ADAMTS7: variants seen among roughly 807,000 people sequenced by gnomAD.
ADAMTS7 encodes the protein A disintegrin and metalloproteinase with thrombospondin motifs 7.
In ADAMTS7, 89 loss-of-function variants were observed where a neutral mutation model predicts 172.6. The ratio of observed to expected loss-of-function variants is 0.52; its 90% CI spans 0.43 to 0.61. The LOEUF (loss-of-function observed/expected upper bound fraction) is 0.61. Ranked by LOEUF, ADAMTS7 falls within the 20% of genes least tolerant of loss-of-function variation. ADAMTS7 has a pLI of 0.00. For missense variants in ADAMTS7, 1,973 were observed against 2,355.6 expected, an observed-to-expected ratio of 0.84 and a Z score of 3.36; for synonymous variants, 885 against 978.4, an observed-to-expected ratio of 0.90 and a Z score of 1.78.
chr15:78,766,592 T>C lies in ADAMTS7; in HGVS notation c.3319A>G (p.Thr1107Ala), dbSNP rs2055155867. Residue 1107 changes from threonine (T) to alanine (A), a missense_variant, in exon 19 of 24, where the codon ACG becomes GCG. Coordinates refer to ENST00000388820, the MANE Select transcript of ADAMTS7 (RefSeq NM_014272.5). ...TCTGTGGCAGGCACGGGGCTACCCGTGGAGGGCGCAGCAGGATGGCTGTGT... is the reference window on the plus strand; with the variant it reads ...TCTGTGGCAGGCACGGGGCTACCCGCGGAGGGCGCAGCAGGATGGCTGTGT... ...PPHSHPAAPS[T>A]GSPVPATEPP... 1.2e-6 allele frequency: 2 copies of C among 1,601,688 alleles called. No individual in the cohort carries two copies. The highest frequency in any genetic ancestry group is 1.7e-5 in the Admixed American group (1 of 59,346).
rs755345475 is a variant in ADAMTS7, at chr15:78,774,784, G to A, written c.1716C>T (p.Tyr572=). 6.2e-7 allele frequency: 1 copy of A among 1,600,318 alleles called. No individual in the cohort carries two copies. Among genetic ancestry groups the A allele is most frequent in the Non-Finnish European group, 8.5e-7 (1 of 1,171,966 alleles). ...GCTCACCCACACAGTATCTGCCTTTGTATTTGGGCCTGTGGGGAGAACCGG... is the reference window on the plus strand; with the variant it reads ...GCTCACCCACACAGTATCTGCCTTTATATTTGGGCCTGTGGGGAGAACCGG... The part of the protein sequence containing the change: ...ERQCTQPTPK[Y]KGRYCVGERK... Residue 572 remains tyrosine (Y), a synonymous_variant, in exon 12 of 24, where the codon TAC becomes TAT. Coordinates refer to ENST00000388820, the MANE Select transcript of ADAMTS7 (RefSeq NM_014272.5).
chr15:78,790,611 T>G, intron 6 of ADAMTS7, 59 bp downstream of exon 6: 1 of 1,598,952 alleles, frequency 6.3e-7, no homozygotes, highest in African/African-American at 1.3e-5. Flanking sequence ...GGGCTTCTTC[T>G]GCAGGGCCGG....
intron 4 of ADAMTS7, among the ~76,000 whole-genome samples, chr15:78,795,939 G>T (rs1375441828): frequency 1.3e-5 from 2 of 152,184 alleles, no homozygotes; most frequent in Non-Finnish European, 2.9e-5. Flanking sequence ...GCCCTGCCTG[G>T]TTGTGTGACC....
chr15:78,765,415 T>C (rs1170231286), intron 19 of ADAMTS7, among the ~76,000 whole-genome samples: 13 of 152,224 alleles, frequency 8.5e-5, no homozygotes, highest in Non-Finnish European at 1.3e-4. Context: ...CCAGCTCCAT[T>C]CTGGGGTGTG....
intron 11 of ADAMTS7, 25 bp from the exon 12 acceptor site, chr15:78,774,818 C>G: frequency 6.4e-7 from 1 of 1,564,030 alleles, no homozygotes; most frequent in Non-Finnish European, 8.7e-7. Flanking sequence ...GGGGTGGGCC[C>G]CAGTGACGGC....
Position 78,773,102 on chromosome 15 carries a change from G to A in ADAMTS7, c.2112C>T (p.Phe704=), listed in dbSNP as rs1398569335. ...CCATACCCAGGCCCTCGGCCTCCTCGAAGGTCCCGCTCACGGTGTGGCAGG... is the reference window on the plus strand; with the variant it reads ...CCATACCCAGGCCCTCGGCCTCCTCAAAGGTCCCGCTCACGGTGTGGCAGG... ...GSTCHTVSGT[F]EEAEGLGYVD... is the part of the protein sequence containing the mutation. The change falls in exon 14 of 24, where the codon TTC becomes TTT. Residue 704 remains phenylalanine, a synonymous_variant. Transcript: ENST00000388820. The A allele has an allele frequency of 7.2e-6, 11 of 1,521,688 alleles. No individual in the cohort carries two copies. The highest frequency in any genetic ancestry group is 2.7e-5 in the African/African-American group (2 of 73,128). The allele number at this position is 1,521,688 out of a possible 1,614,324, so 94.3% of individuals were successfully genotyped here.
chr15:78,791,108 G>T (rs2055574579), intron 5 of ADAMTS7, 32 bp downstream of exon 5: 1 of 1,601,480 alleles, frequency 6.2e-7, no homozygotes, highest in Non-Finnish European at 8.5e-7. Context: ...CGAAGCCATT[G>T]CCGGGCAGCG....
Position 78,776,766 on chromosome 15 carries a change from G to A in ADAMTS7, c.1543C>T (p.Arg515Trp), listed in dbSNP as rs768734675. 129 of 1,550,900 alleles carry A rather than the reference G, an allele frequency of 8.3e-5. No homozygotes were observed. Among genetic ancestry groups the A allele is most frequent in the East Asian group, 7.1e-4 (29 of 41,038 alleles). The change falls in exon 10 of 24, where the codon CGG (arginine) becomes TGG (tryptophan). Residue 515 changes from arginine (R) to tryptophan (W), a missense_variant. This residue lies in a region of ADAMTS7 where 526 missense variants were observed against 662.9 expected (regional missense o/e 0.79). Coordinates refer to ENST00000388820, the MANE Select transcript of ADAMTS7 (RefSeq NM_014272.5). ...TCCCCTACCTTATTCTCCCCACACCGGGTGCCGTCCACAGCTGCATCCAGC... is the reference window on the plus strand; with the variant it reads ...TCCCCTACCTTATTCTCCCCACACCAGGTGCCGTCCACAGCTGCATCCAGC... ...SKLDAAVDGT[R>W]CGENKWCLSG...
At chr15:78,792,076 G>A (rs928528226) in intron 4 of ADAMTS7, among the ~76,000 whole-genome samples, 2 of 152,202 alleles carry the variant, frequency 1.3e-5, no homozygotes, top group African/African-American at 4.8e-5. Context: ...TCAAGAAAAA[G>A]AATATTCAAA....
At position 78,811,251 on chromosome 15, in the gene ADAMTS7, C is replaced by T. The variant is rs2055863050; in HGVS notation, c.-31G>A. 2.1e-5 allele frequency: 26 copies of T among 1,223,530 alleles called. No individual in the cohort carries two copies. The highest frequency in any genetic ancestry group is 6.3e-4 in the Middle Eastern group (2 of 3,192). 75.8% of individuals were successfully genotyped at this position (1,223,530 alleles called of 1,614,324 possible). On this transcript the variant is annotated 5_prime_UTR_variant, in exon 1 of 24. Transcript: ENST00000388820. ...GAACCGGGCGGCCGCCGGGTGACCCCGCGCGCACGCTCTCGTCCGTCCCGT... is the reference window on the plus strand; with the variant it reads ...GAACCGGGCGGCCGCCGGGTGACCCTGCGCGCACGCTCTCGTCCGTCCCGT...
At chr15:78,808,201 T>C (rs994509332) in intron 1 of ADAMTS7, among the ~76,000 whole-genome samples, 2 of 152,170 alleles carry the variant, frequency 1.3e-5, no homozygotes, top group Non-Finnish European at 2.9e-5. Flanking sequence ...ACTTACAGGA[T>C]GTTGCCACTT....
chr15:78,789,662 G>A (rs2055551040), intron 7 of ADAMTS7, 27 bp downstream of exon 7: 6 of 1,612,854 alleles, frequency 3.7e-6, no homozygotes, highest in African/African-American at 1.3e-5. Flanking sequence ...TCGGCTCTCA[G>A]TGTAGCAATG....
intron 4 of ADAMTS7, among the ~76,000 whole-genome samples, chr15:78,791,838 A>G (rs543248095): frequency 6.6e-6 from 1 of 152,314 alleles, no homozygotes; most frequent in Admixed American, 6.5e-5. Context: ...CATCTATCAG[A>G]GGCCCCATGG....
intron 16 of ADAMTS7, among the ~76,000 whole-genome samples, chr15:78,768,872 T>C (rs59709310): frequency 0.34 from 51,325 of 152,078 alleles, 9,137 homozygotes; most frequent in African/African-American, 0.44. Flanking sequence ...GGCTGGGGCT[T>C]CAGCCTTGGG....
chr15:78,788,485 C>CCACCCAATGGCTG (rs1291611055), intron 7 of ADAMTS7, 111 bp from the exon 8 acceptor site: 3 of 1,329,534 alleles, frequency 2.3e-6, no homozygotes, highest in East Asian at 2.3e-5. Flanking sequence ...GCTGGTTCTG[C>CCACCCAATGGCTG]CACCCAATGG....
intron 7 of ADAMTS7, among the ~76,000 whole-genome samples, chr15:78,789,322 C>T (rs974544534): frequency 2.6e-5 from 4 of 152,214 alleles, no homozygotes; most frequent in African/African-American, 9.6e-5. Context: ...CAGGCACTGG[C>T]CCAGGCCACA....
At chr15:78,761,210 A>G (rs1429113986) in intron 23 of ADAMTS7, among the ~76,000 whole-genome samples, 1 of 152,196 alleles carries the variant, frequency 6.6e-6, no homozygotes, top group Admixed American at 6.5e-5. Flanking sequence ...TCTGAGCCTG[A>G]ATGAGGGCTG....
chr15:78,780,114 G>A (rs1170295262), intron 8 of ADAMTS7, among the ~76,000 whole-genome samples: 1 of 144,856 alleles, frequency 6.9e-6, no homozygotes, highest in Non-Finnish European at 1.5e-5. Flanking sequence ...TGTCTTCTTG[G>A]GAAAAATCAC....
intron 8 of ADAMTS7, 52 bp from the exon 9 acceptor site, chr15:78,777,640 G>T: frequency 6.4e-7 from 1 of 1,567,572 alleles, no homozygotes; most frequent in South Asian, 1.2e-5. Context: ...AGACCCATCG[G>T]AGAAGCCTTG....
Sources: allele counts gnomAD v4.1 joint callset (sites outside exome capture counted in the v4.1 genomes callset), GRCh38; gene constraint gnomAD v4.1.1; regional missense constraint gnomAD v4.1.1; transcripts MANE v1.5; gene names NCBI Gene and HGNC (gene_info 2026-07-23, HGNC 2026-07-21).